The following TLE3 variants were observed in gnomAD, a reference collection of about 807,000 sequenced individuals.
The protein encoded by TLE3 is transducin-like enhancer protein 3.
Under a neutral mutation model 93.0 loss-of-function variants are expected in TLE3, and 14 were observed. That is an observed-to-expected ratio of 0.15 (90% CI 0.10 to 0.24). TLE3 has a LOEUF of 0.24. Among genes scored for constraint, TLE3 ranks in the 10% least tolerant of loss-of-function variants. The pLI, the probability that TLE3 is intolerant of heterozygous loss-of-function variation, is 1.00. For missense variants in TLE3, 693 were observed against 1,046.6 expected (o/e 0.66, Z 4.66); for synonymous variants, 451 against 425.0 (o/e 1.06, Z -0.75).
chr15:70,092,805 TCA>T (rs2058366292), intron 4 of TLE3, among the ~76,000 whole-genome samples: 1 of 152,220 alleles, frequency 6.6e-6, no homozygotes, highest in Admixed American at 6.5e-5. Context: ...CACCATTCAT[TCA>T]CAGACATGCG....
intron 19 of TLE3, 41 bp from the exon 20 acceptor site, chr15:70,050,245 G>A: frequency 6.7e-7 from 1 of 1,485,610 alleles, no homozygotes; most frequent in Non-Finnish European, 9.4e-7. Flanking sequence ...GAAGGCGTGG[G>A]GTGCAGGGAG....
intron 4 of TLE3, 145 bp from the exon 5 acceptor site, chr15:70,076,303 C>G: frequency 1.4e-6 from 1 of 702,090 alleles, no homozygotes; most frequent in Non-Finnish European, 2.5e-6. Flanking sequence ...CAGCCTCCTA[C>G]CAGGAGGCTC....
At chr15:70,055,928 G>A (rs959189389) in intron 14 of TLE3, 4 of 377,110 alleles carry the variant, frequency 1.1e-5, no homozygotes, top group Non-Finnish European at 1.5e-5. Flanking sequence ...ACAGGGAAGG[G>A]CCTGCGACCA....
At chr15:70,051,852 T>TCCA (rs2055576459) in intron 18 of TLE3, among the ~76,000 whole-genome samples, 3 of 151,960 alleles carry the variant, frequency 2.0e-5, no homozygotes, top group African/African-American at 7.3e-5. Context: ...AAGACAGCAG[T>TCCA]CAGTGGGCGA....
chr15:70,096,158 T>C lies in TLE3; in HGVS notation c.125+3A>G. Reference sequence around the variant, plus strand: ...GCCCCGGGGCGGCCCCCACCGGCCTTACCTGTGATACTGAGCTTGCAGGAA... The same window carrying C: ...GCCCCGGGGCGGCCCCCACCGGCCTCACCTGTGATACTGAGCTTGCAGGAA... On this transcript the variant is annotated splice_donor_region_variant and intron_variant, in intron 2 of 19. Transcript: ENST00000451782. 1.2e-5 allele frequency: 18 copies of C among 1,552,812 alleles called. No individual in the cohort carries two copies. The highest frequency in any genetic ancestry group is 1.6e-5 in the Non-Finnish European group (18 of 1,147,858).
chr15:70,094,456 A>G, intron 4 of TLE3, 76 bp downstream of exon 4: 7 of 1,165,504 alleles, frequency 6.0e-6, no homozygotes, highest in Non-Finnish European at 8.5e-6. Context: ...ACTTTCAAAC[A>G]AGAGAGAACA....
chr15:70,094,965 G>A (rs1358652529), intron 3 of TLE3, among the ~76,000 whole-genome samples: 2 of 152,208 alleles, frequency 1.3e-5, no homozygotes, highest in South Asian at 2.1e-4. Context: ...GCAGGGAGCC[G>A]TGCCCTCTCA....
At chr15:70,056,886 C>T (rs979474496) in intron 13 of TLE3, among the ~76,000 whole-genome samples, 1 of 152,136 alleles carries the variant, frequency 6.6e-6, no homozygotes, top group Non-Finnish European at 1.5e-5. Flanking sequence ...CTTCACCTCC[C>T]GAATAGCGCC....
chr15:70,056,924 T>G (rs997520058), intron 13 of TLE3, among the ~76,000 whole-genome samples: 3 of 152,114 alleles, frequency 2.0e-5, no homozygotes, highest in African/African-American at 7.2e-5. Context: ...AATTTTTGTA[T>G]TTTTAGTAGA....
intron 7 of TLE3, among the ~76,000 whole-genome samples, chr15:70,065,597 A>G (rs1388903979): frequency 1.3e-5 from 2 of 152,226 alleles, no homozygotes; most frequent in African/African-American, 2.4e-5. Context: ...GACATTTTCC[A>G]GGGGTAGGAT....
intron 6 of TLE3, among the ~76,000 whole-genome samples, chr15:70,067,159 C>T (rs551497561): frequency 6.6e-6 from 1 of 152,302 alleles, no homozygotes; most frequent in South Asian, 2.1e-4. Flanking sequence ...GACTCCGCTG[C>T]CCTGGCTCCA....
In TLE3 at chr15:70,052,530, G is replaced by C. The variant is rs377666335; in HGVS notation, c.1975-6C>G. On this transcript the variant is annotated splice_polypyrimidine_tract_variant and splice_region_variant and intron_variant, in intron 17 of 19. Transcript: ENST00000451782. ...CAGTAGCCCAGCGAGAAGATCTGCA[G>C]GTGGTGGGAGGGCAGATGGACTGAG... 8 of 1,612,044 alleles carry C rather than the reference G, an allele frequency of 5.0e-6. No individual in the cohort carries two copies. The East Asian group carries it at 6.7e-5, about 13-fold the overall frequency.
Position 70,057,507 on chromosome 15 carries a change from A to AGCG in TLE3, c.1200_1202dup (p.Ala406dup), listed in dbSNP as rs760647196. 1.2e-4 allele frequency: 198 copies of AGCG among 1,608,428 alleles called. No homozygotes were observed. Among genetic ancestry groups the AGCG allele is most frequent in the Middle Eastern group, 1.6e-4 (1 of 6,076 alleles). Reference sequence around the variant, plus strand: ...ATCGGCCATAGGCAGCGGCTGCAGCAGCGGCGGCGGCGCTCATCTGGGGTG... The same window carrying AGCG: ...ATCGGCCATAGGCAGCGGCTGCAGCAGCGGCGGCGGCGGCGCTCATCTGGGGTG... On this transcript the variant is annotated inframe_insertion, in exon 13 of 20. Coordinates refer to ENST00000451782, the MANE Select transcript of TLE3 (RefSeq NM_001105192.3).
At position 70,058,811 on chromosome 15, in the gene TLE3, G is replaced by A. The variant is rs749958799; in HGVS notation, c.770C>T (p.Pro257Leu). ...DLVVDVSNED[P>L]ATPRVSPAHS... Reference sequence around the variant, plus strand: ...TGCCGGGCTGACCCGGGGCGTTGCGGGGTCCTGAAAACACAAGTGATGCAG... The same window carrying A: ...TGCCGGGCTGACCCGGGGCGTTGCGAGGTCCTGAAAACACAAGTGATGCAG... Residue 257 changes from proline (P) to leucine (L), a missense_variant, in exon 11 of 20, where the codon CCC becomes CTC. Physicochemically the swap from Pro to Leu is moderately conservative, Grantham distance 98. Transcript: ENST00000451782. The surrounding 1 kb of genome is among the most constrained non-coding windows in gnomAD (Gnocchi z 4.1). The A allele has an allele frequency of 3.8e-6, 6 of 1,578,010 alleles. No homozygotes were observed. The South Asian group carries it at 4.7e-5, about 12-fold the overall frequency.
intron 4 of TLE3, among the ~76,000 whole-genome samples, chr15:70,086,552 T>C (rs1567047411): frequency 6.6e-6 from 1 of 152,128 alleles, no homozygotes; most frequent in Non-Finnish European, 1.5e-5. Flanking sequence ...GCTAAAACAC[T>C]AGTGGGAAGA....
intron 4 of TLE3, among the ~76,000 whole-genome samples, chr15:70,087,989 G>A (rs1400174802): frequency 6.6e-6 from 1 of 152,116 alleles, no homozygotes; most frequent in Non-Finnish European, 1.5e-5. Flanking sequence ...ATTTCCAGAC[G>A]GGCCTCTTGG....
intron 4 of TLE3, among the ~76,000 whole-genome samples, chr15:70,084,029 C>T (rs998667608): frequency 1.3e-5 from 2 of 152,204 alleles, no homozygotes; most frequent in African/African-American, 2.4e-5. Context: ...AAATCAAGAT[C>T]GGTCATTTAG....
chr15:70,055,354 C>G, intron 14 of TLE3, 56 bp from the exon 15 acceptor site: 1 of 1,530,898 alleles, frequency 6.5e-7, no homozygotes, highest in South Asian at 1.2e-5. Flanking sequence ...TCAGAGTTCC[C>G]ATAGGCCTGG....
chr15:70,095,772 A>C, intron 2 of TLE3, 131 bp from the exon 3 acceptor site: 5 of 1,089,288 alleles, frequency 4.6e-6, no homozygotes, highest in South Asian at 1.6e-5. Context: ...ATTATCCCAC[A>C]GCCTGGGGAC....
Sources: allele counts gnomAD v4.1 joint callset (sites outside exome capture counted in the v4.1 genomes callset), GRCh38; gene constraint gnomAD v4.1.1; non-coding constraint Gnocchi (gnomAD v3.1); transcripts MANE v1.5; gene names NCBI Gene and HGNC (gene_info 2026-07-23, HGNC 2026-07-21).